The following IMPDH2 variants were observed in gnomAD, a reference collection of about 807,000 sequenced individuals.
IMPDH2 encodes inosine monophosphate dehydrogenase 2.
A neutral mutation model predicts 57.8 loss-of-function variants in IMPDH2; 33 were observed. That is an observed-to-expected ratio of 0.57 (90% CI 0.43 to 0.76). The LOEUF (loss-of-function observed/expected upper bound fraction) is 0.76. IMPDH2 is among the 30% of genes least tolerant of loss of function. The pLI is 0.00. For synonymous variants in IMPDH2, 270 were observed against 241.3 expected, an observed-to-expected ratio of 1.12 and a Z score of -1.10; for missense variants, 446 against 659.1, an observed-to-expected ratio of 0.68 and a Z score of 3.54.
intron 1 of IMPDH2, 172 bp downstream of exon 1, chr3:49,029,081 G>A (rs1252820355): frequency 1.5e-6 from 1 of 668,060 alleles, no homozygotes; most frequent in Admixed American, 2.2e-5. Context: ...ATGCTTCTCC[G>A]TACCCCAAGC....
chr3:49,025,214 T>A lies in IMPDH2; in HGVS notation c.1062A>T (p.Ala354=). The change falls in exon 10 of 14, where the codon GCA becomes GCT. Residue 354 remains alanine (A), a synonymous_variant. Transcript: ENST00000326739. ...CAATGACCGGAACACCAAAGCGCCG[T>A]GCATACTCTGACACCTTGTACACTG... The part of the protein sequence containing the change: ...ATAVYKVSEY[A]RRFGVPVIAD... The A allele has an allele frequency of 6.2e-7, 1 of 1,614,232 alleles. No individual in the cohort carries two copies. The highest frequency in any genetic ancestry group is 8.5e-7 in the Non-Finnish European group (1 of 1,180,022).
chr3:49,028,010 TTGGCAGTGCCAC>T (rs2093206724), intron 4 of IMPDH2, 94 bp from the exon 5 acceptor site: 6 of 1,041,410 alleles, frequency 5.8e-6, no homozygotes, highest in Non-Finnish European at 8.7e-6. Context: ...ATCGATCCCT[TTGGCAGTGCCAC>T]AAGACCAAAT....
In IMPDH2 at chr3:49,025,005, C is replaced by A; in HGVS notation, c.1186G>T (p.Ala396Ser). 6.2e-7 allele frequency: 1 copy of A among 1,614,202 alleles called. No individual in the cohort carries two copies. Among genetic ancestry groups the A allele is most frequent in the Non-Finnish European group, 8.5e-7 (1 of 1,180,026 alleles). The change falls in exon 11 of 14, where the codon GCC becomes TCC. Residue 396 changes from alanine to serine, a missense_variant. Coordinates refer to ENST00000326739, the MANE Select transcript of IMPDH2 (RefSeq NM_000884.3). ...MGSLLAATTEAPGEYFFSDGI... is the reference protein window; with the variant it reads ...MGSLLAATTESPGEYFFSDGI... Reference sequence around the variant, plus strand: ...TCGGAAAAGAAGTATTCACCAGGGGCCTCAGTGGTGGCAGCCAGGAGAGAG... The same window carrying A: ...TCGGAAAAGAAGTATTCACCAGGGGACTCAGTGGTGGCAGCCAGGAGAGAG...
At chr3:49,026,235 C>G (rs938648265) in intron 9 of IMPDH2, 89 bp downstream of exon 9, 9 of 995,862 alleles carry the variant, frequency 9.0e-6, no homozygotes, top group African/African-American at 6.4e-5. Flanking sequence ...TATTGGAGGG[C>G]TCTATTGTCC....
chr3:49,025,606 G>C (rs929439316), intron 9 of IMPDH2, among the ~76,000 whole-genome samples: 1 of 152,206 alleles, frequency 6.6e-6, no homozygotes, highest in African/African-American at 2.4e-5. Context: ...GAGGCACTGA[G>C]GTCAGGCCCA....
chr3:49,026,444 T>C, intron 8 of IMPDH2, 25 bp from the exon 9 acceptor site: 3 of 1,609,684 alleles, frequency 1.9e-6, no homozygotes, highest in Non-Finnish European at 2.6e-6. Flanking sequence ...AGGAAAATGC[T>C]CATGTGAAGG....
chr3:49,028,679 T>C, intron 2 of IMPDH2, 79 bp downstream of exon 2: 3 of 1,396,268 alleles, frequency 2.1e-6, no homozygotes, highest in Non-Finnish European at 3.1e-6. Context: ...CCCAATCTGG[T>C]GAGTTAGCCC....
chr3:49,028,814 G>A lies in IMPDH2; in HGVS notation c.99-8C>T, dbSNP rs767927662. On this transcript the variant is annotated splice_region_variant and splice_polypyrimidine_tract_variant and intron_variant, in intron 1 of 13. Transcript: ENST00000326739. ...GGGAGAATGAGAAAGTCACTGCGAGGGAAGGGAGTGAATTGGGAGTAAAGC... is the reference window on the plus strand; with the variant it reads ...GGGAGAATGAGAAAGTCACTGCGAGAGAAGGGAGTGAATTGGGAGTAAAGC... 1.9e-6 allele frequency: 3 copies of A among 1,612,330 alleles called. No individual in the cohort carries two copies. Among genetic ancestry groups the A allele is most frequent in the South Asian group, 2.2e-5 (2 of 91,030 alleles).
In IMPDH2 at chr3:49,028,449, C is replaced by G. The variant is rs781115417; in HGVS notation, c.231G>C (p.Gly77=). 3.7e-6 allele frequency: 6 copies of G among 1,614,056 alleles called. No homozygotes were observed. In the South Asian group the frequency reaches 4.4e-5, roughly 12 times the overall value. The change falls in exon 3 of 14, where the codon GGG becomes GGC. Residue 77 remains glycine, a synonymous_variant. Coordinates refer to ENST00000326739, the MANE Select transcript of IMPDH2 (RefSeq NM_000884.3). ...GGCTCACCGCCATTGCTATGGCCATCCCAGCCTCTGTGACTGTGTCCATGG... is the reference window on the plus strand; with the variant it reads ...GGCTCACCGCCATTGCTATGGCCATGCCAGCCTCTGTGACTGTGTCCATGG... ...SSPMDTVTEA[G]MAIAMALTGG...
At chr3:49,025,345 C>T in intron 9 of IMPDH2, 76 bp from the exon 10 acceptor site, 2 of 1,549,160 alleles carry the variant, frequency 1.3e-6, no homozygotes, top group Non-Finnish European at 1.8e-6. Context: ...ATATTTAGGA[C>T]CCAGGAGCTT....
rs1418092972 is a variant in IMPDH2, at chr3:49,025,401, G to A, written c.1007-132C>T. ...ACTGCAGCTTGGCTGAGGAACAGACGTGTCTGGGATGGCTGCTGCCACATC... is the reference window on the plus strand; with the variant it reads ...ACTGCAGCTTGGCTGAGGAACAGACATGTCTGGGATGGCTGCTGCCACATC... On this transcript the variant is annotated intron_variant, in intron 9 of 13. Coordinates refer to ENST00000326739, the MANE Select transcript of IMPDH2 (RefSeq NM_000884.3). The A allele has an allele frequency of 3.2e-4, 302 of 942,570 alleles. 1 individual carries two copies. The highest frequency in any genetic ancestry group is 1.1e-4 in the South Asian group (8 of 71,386). 58.4% of individuals were successfully genotyped at this position (942,570 alleles called of 1,614,324 possible).
Position 49,027,770 on chromosome 3 carries a change from G to C in IMPDH2, c.471C>G (p.Ile157Met). The C allele has an allele frequency of 1.2e-6, 2 of 1,614,188 alleles. No individual in the cohort carries two copies. Among genetic ancestry groups the C allele is most frequent in the Non-Finnish European group, 1.7e-6 (2 of 1,180,034 alleles). ...GAAAATCAATGTCCCTGGAGGAGAT[G>C]ATGCCCACCAAGCGGCTCCCCATCC... ...TGRMGSRLVG[I>M]ISSRDIDFLK... Residue 157 changes from isoleucine (I) to methionine (M), a missense_variant, in exon 5 of 14, where the codon ATC becomes ATG. By Grantham distance (10) the Ile-to-Met change is conservative. Coordinates refer to ENST00000326739, the MANE Select transcript of IMPDH2 (RefSeq NM_000884.3).
In IMPDH2 at chr3:49,027,053, TG is replaced by T. The variant is rs1312560159; in HGVS notation, c.532-7del. On this transcript the variant is annotated splice_polypyrimidine_tract_variant and splice_region_variant and intron_variant, in intron 5 of 13. Coordinates refer to ENST00000326739, the MANE Select transcript of IMPDH2 (RefSeq NM_000884.3). ...TCTTCCCTCTTTGTCATTATCTACGTGGGAGGTGAGATGTGAAGAAGGGCCA... is the reference window on the plus strand; with the variant it reads ...TCTTCCCTCTTTGTCATTATCTACGTGGAGGTGAGATGTGAAGAAGGGCCA... 1.2e-6 allele frequency: 2 copies of T among 1,604,838 alleles called. No individual in the cohort carries two copies. The highest frequency in any genetic ancestry group is 1.7e-6 in the Non-Finnish European group (2 of 1,171,472).
intron 1 of IMPDH2, 113 bp from the exon 2 acceptor site, chr3:49,028,919 C>T (rs1175998304): frequency 1.2e-6 from 1 of 868,836 alleles, no homozygotes; most frequent in Non-Finnish European, 1.9e-6. Context: ...GTGGCACTGA[C>T]AGAGTCTGTG....
Position 49,025,230 on chromosome 3 carries a change from T to C in IMPDH2, c.1046A>G (p.Lys349Arg). 1 of 1,614,214 alleles carries C rather than the reference T, an allele frequency of 6.2e-7. No homozygotes were observed. The highest frequency in any genetic ancestry group is 8.5e-7 in the Non-Finnish European group (1 of 1,180,034). Residue 349 changes from lysine (K) to arginine (R), a missense_variant, in exon 10 of 14, where the codon AAG becomes AGG. By Grantham distance (26) the Lys-to-Arg change is conservative. Transcript: ENST00000326739. The stretch of plus-strand genomic sequence containing the variant: ...AAAGCGCCGTGCATACTCTGACACC[T>C]TGTACACTGCTGTTGCTTGGGGCCG... The part of the protein sequence containing the change: ...CGRPQATAVY[K>R]VSEYARRFGV...
intron 1 of IMPDH2, 165 bp from the exon 2 acceptor site, chr3:49,028,971 C>G (rs938018837): frequency 1.5e-6 from 1 of 680,400 alleles, no homozygotes; most frequent in Non-Finnish European, 2.7e-6. Flanking sequence ...TACAGGGGAC[C>G]TTTTCTGCCA....
chr3:49,026,911 C>G, intron 6 of IMPDH2, 25 bp from the exon 7 acceptor site: 1 of 1,613,976 alleles, frequency 6.2e-7, no homozygotes, highest in Non-Finnish European at 8.5e-7. Flanking sequence ...GGACATGAAT[C>G]AGGACCCTAG....
intron 9 of IMPDH2, chr3:49,025,850 T>G (rs1291282265): frequency 5.0e-6 from 2 of 400,828 alleles, no homozygotes; most frequent in Non-Finnish European, 1.0e-5. Flanking sequence ...GCTATGTTCT[T>G]GAGCACCACC....
In IMPDH2 at chr3:49,029,387, C is replaced by A; in HGVS notation, c.-37G>T. ...GACACCGCCGCGTGTCTCCGAGGACCGCGCCGCAGAGACCTCTGCCGTCTG... is the reference window on the plus strand; with the variant it reads ...GACACCGCCGCGTGTCTCCGAGGACAGCGCCGCAGAGACCTCTGCCGTCTG... On this transcript the variant is annotated 5_prime_UTR_variant, in exon 1 of 14. Coordinates refer to ENST00000326739, the MANE Select transcript of IMPDH2 (RefSeq NM_000884.3). 1.4e-6 allele frequency: 2 copies of A among 1,424,388 alleles called. No individual in the cohort carries two copies. Among genetic ancestry groups the A allele is most frequent in the East Asian group, 2.4e-5 (1 of 41,530 alleles). 88.2% of individuals were successfully genotyped at this position (1,424,388 alleles called of 1,614,324 possible).
Sources: allele counts gnomAD v4.1 joint callset (sites outside exome capture counted in the v4.1 genomes callset), GRCh38; gene constraint gnomAD v4.1.1; transcripts MANE v1.5; gene names NCBI Gene and HGNC (gene_info 2026-07-23, HGNC 2026-07-21).